SGCD: variants seen among roughly 807,000 people sequenced by gnomAD.
SGCD encodes the protein delta-sarcoglycan.
Under a neutral mutation model 36.6 loss-of-function variants are expected in SGCD, and 18 were observed. That is an observed-to-expected ratio of 0.49 (90% confidence interval 0.34 to 0.73). The LOEUF (loss-of-function observed/expected upper bound fraction) is 0.73, where lower values mean the gene tolerates loss of function less well. Ranked by LOEUF, SGCD falls within the 30% of genes least tolerant of loss-of-function variation. The pLI, the probability that SGCD is intolerant of heterozygous loss-of-function variation, is 0.01. For synonymous variants in SGCD, 133 were observed against 130.6 expected, an observed-to-expected ratio of 1.02 and a Z score of -0.12; for missense variants, 387 against 346.7, an observed-to-expected ratio of 1.12 and a Z score of -0.92.
At chr5:156,026,466 G>A (rs147483150) in intron 1 of SGCD, among the ~76,000 whole-genome samples, 49 of 152,244 alleles carry the variant, frequency 3.2e-4, no homozygotes, top group Admixed American at 7.8e-4. Context: ...CCCCAATCTT[G>A]GAACCAGTAG....
intron 3 of SGCD, among the ~76,000 whole-genome samples, chr5:156,311,051 G>T (rs1360687949): frequency 6.6e-6 from 1 of 152,146 alleles, no homozygotes; most frequent in Non-Finnish European, 1.5e-5. Flanking sequence ...GAAGAAACTT[G>T]GTGAGTTTAA....
chr5:156,082,078 C>T (rs1467230761), intron 1 of SGCD, among the ~76,000 whole-genome samples: 1 of 152,104 alleles, frequency 6.6e-6, no homozygotes, highest in East Asian at 1.9e-4. Flanking sequence ...GGTGTGTTAA[C>T]AGATGTCAGC....
chr5:156,131,359 A>G (rs1762318715), intron 3 of SGCD, among the ~76,000 whole-genome samples: 1 of 152,208 alleles, frequency 6.6e-6, no homozygotes, highest in Non-Finnish European at 1.5e-5. Flanking sequence ...TTCTTCATTC[A>G]TAGGATGGGG....
At chr5:156,620,915 T>C (rs1420599552) in intron 6 of SGCD, among the ~76,000 whole-genome samples, 1 of 152,224 alleles carries the variant, frequency 6.6e-6, no homozygotes, top group Non-Finnish European at 1.5e-5. Flanking sequence ...GAATATTTAA[T>C]ATTATTTTGG....
chr5:156,508,728 C>G, intron 4 of SGCD, 26 bp downstream of exon 4: 1 of 1,315,704 alleles, frequency 7.6e-7, no homozygotes, highest in Non-Finnish European at 1.1e-6. Context: ...GAGAAGGAGG[C>G]ATTATTGTTG....
chr5:155,888,403 A>G (rs552631860), intron 1 of SGCD, among the ~76,000 whole-genome samples: 1 of 152,272 alleles, frequency 6.6e-6, no homozygotes, highest in South Asian at 2.1e-4. Flanking sequence ...TTCACCCATC[A>G]CTAGGCTCCT....
At chr5:156,056,481 C>T (rs1760061205) in intron 1 of SGCD, among the ~76,000 whole-genome samples, 1 of 143,996 alleles carries the variant, frequency 6.9e-6, no homozygotes, top group South Asian at 2.2e-4. Flanking sequence ...TTCTGATGCA[C>T]CAGCTGATGC....
chr5:156,631,476 T>TA (rs370578511), intron 6 of SGCD, among the ~76,000 whole-genome samples: 97 of 147,786 alleles, frequency 6.6e-4, no homozygotes, highest in African/African-American at 1.5e-3. Flanking sequence ...TTTTTTTTTT[T>TA]AAAAAAAAGA....
chr5:156,642,446 C>A (rs1763062483), intron 6 of SGCD, among the ~76,000 whole-genome samples: 1 of 149,838 alleles, frequency 6.7e-6, no homozygotes, highest in Non-Finnish European at 1.5e-5. Context: ...CTAAGAATGG[C>A]CTAGCAGCAT....
At chr5:155,833,527 G>T in the SGCD span, among the ~76,000 whole-genome samples, 1 of 152,152 alleles carries the variant, frequency 6.6e-6, no homozygotes, top group African/African-American at 2.4e-5. Context: ...GACATCAAAA[G>T]AATTGTTCTA....
intron 4 of SGCD, among the ~76,000 whole-genome samples, chr5:156,527,971 C>A (rs1053414091): frequency 1.3e-5 from 2 of 152,234 alleles, no homozygotes; most frequent in African/African-American, 4.8e-5. Context: ...AAATATATCT[C>A]TGACCCAGTA....
chr5:155,788,981 A>G, the SGCD span, among the ~76,000 whole-genome samples: 4 of 152,186 alleles, frequency 2.6e-5, no homozygotes, highest in African/African-American at 7.2e-5. Flanking sequence ...GGAAGGAGAC[A>G]AAGAAACAAG....
At chr5:156,307,555 G>GTTTTTTTTTTTTTTTTTT (rs59481792) in intron 3 of SGCD, among the ~76,000 whole-genome samples, 4 of 41,158 alleles carry the variant, frequency 9.7e-5, no homozygotes, top group Non-Finnish European at 1.5e-4. Context: ...TTTAACTGTT[G>GTTTTTTTTTTTTTTTTTT]TTTTTTTTTT....
intron 3 of SGCD, among the ~76,000 whole-genome samples, chr5:156,456,417 G>A (rs1051915401): frequency 2.6e-5 from 4 of 152,160 alleles, no homozygotes; most frequent in Non-Finnish European, 4.4e-5. Context: ...AACAAGGAGC[G>A]TGCTATTGGA....
chr5:155,812,836 C>T, the SGCD span, among the ~76,000 whole-genome samples: 1 of 152,252 alleles, frequency 6.6e-6, no homozygotes, highest in African/African-American at 2.4e-5. Flanking sequence ...GTTAAGTAAC[C>T]TTCCCCATGA....
In SGCD at chr5:156,611,667, G is replaced by A. The variant is rs35426818; in HGVS notation, c.502+16616G>A. 2.7e-3 allele frequency among the ~76,000 whole-genome samples: 411 copies of A among 152,268 alleles called. 3 individuals carry two copies. The highest frequency in any genetic ancestry group is 9.5e-3 in the African/African-American group (395 of 41,558). ...TTTCAGCTATTATTTTGTTAAATTAGTTTTCTGTGCCTTTCTTCATCTATT... is the reference window on the plus strand; with the variant it reads ...TTTCAGCTATTATTTTGTTAAATTAATTTTCTGTGCCTTTCTTCATCTATT... On this transcript the variant is annotated intron_variant, in intron 6 of 8. Coordinates refer to ENST00000337851, the MANE Select transcript of SGCD (RefSeq NM_000337.6).
intron 7 of SGCD, among the ~76,000 whole-genome samples, chr5:156,724,683 T>C (rs902469580): frequency 5.9e-5 from 9 of 152,172 alleles, no homozygotes; most frequent in Non-Finnish European, 8.8e-5. Flanking sequence ...TTATGGTGGT[T>C]GTTTACAAGT....
At chr5:156,129,448 T>C (rs993656390) in intron 3 of SGCD, among the ~76,000 whole-genome samples, 2 of 152,228 alleles carry the variant, frequency 1.3e-5, no homozygotes, top group Non-Finnish European at 2.9e-5. Context: ...ATCATGTTAC[T>C]ACTCATTTGG....
rs191785226 is a variant in SGCD, at chr5:156,623,229, G to A, written c.503-24235G>A. On this transcript the variant is annotated intron_variant, in intron 6 of 8. Coordinates refer to ENST00000337851, the MANE Select transcript of SGCD (RefSeq NM_000337.6). ...TATTGCAGTGGGCACTGTGTGTCAC[G>A]TTCAGGCGTTCGGACTTTTAAGGCA... is the stretch of plus-strand genomic sequence containing the variant. Among the ~76,000 whole-genome samples, 810 of 152,148 alleles carry A rather than the reference G, an allele frequency of 5.3e-3. 3 individuals are homozygous for A. The highest frequency in any genetic ancestry group is 7.1e-3 in the Non-Finnish European group (486 of 68,010).
Sources: gnomAD v4.1 joint callset for allele counts (sites outside exome capture counted in the v4.1 genomes callset) on GRCh38, gnomAD v4.1.1 for gene constraint, MANE v1.5 for transcripts, NCBI Gene and HGNC (gene_info 2026-07-23, HGNC 2026-07-21) for gene names.